Variants in PRKCE observed in about 807,000 individuals in gnomAD.
PRKCE encodes protein kinase C epsilon.
A neutral mutation model predicts 85.4 loss-of-function variants in PRKCE; 16 were observed. That is an observed-to-expected ratio of 0.19 (90% CI 0.13 to 0.28). PRKCE has a LOEUF of 0.28. Ranked by LOEUF, PRKCE falls within the 10% of genes least tolerant of loss-of-function variation. The pLI is 1.00. For synonymous variants in PRKCE, 388 were observed against 371.5 expected (o/e 1.04, Z -0.51); for missense variants, 573 against 975.2 (o/e 0.59, Z 5.49).
chr2:45,870,099 G>T (rs1693970620), intron 2 of PRKCE, among the ~76,000 whole-genome samples: 1 of 152,152 alleles, frequency 6.6e-6, no homozygotes, highest in Non-Finnish European at 1.5e-5. Context: ...CAGGTCATTT[G>T]GATTTGCCTT....
intron 1 of PRKCE, among the ~76,000 whole-genome samples, chr2:45,687,540 A>G (rs1677393217): frequency 6.6e-6 from 1 of 152,214 alleles, no homozygotes; most frequent in African/African-American, 2.4e-5. Context: ...ATACCCATGA[A>G]CTCAGTAATT....
chr2:45,918,492 TGGA>T lies in PRKCE; in HGVS notation c.413-57932_413-57930del, dbSNP rs543862337. Among the ~76,000 whole-genome samples the T allele has an allele frequency of 8.5e-3, 1,301 of 152,294 alleles. 8 individuals carry two copies. The highest frequency in any genetic ancestry group is 0.011 in the Non-Finnish European group (772 of 68,026). ...TTCAACTAGCATTTTGCAAGGACTGTGGAGGAGAACAGGGCCAGAACAGAAAAG... is the reference window on the plus strand; with the variant it reads ...TTCAACTAGCATTTTGCAAGGACTGTGGAGAACAGGGCCAGAACAGAAAAG... On this transcript the variant is annotated intron_variant, in intron 2 of 14. Transcript: ENST00000306156.
At chr2:45,721,227 T>C (rs1203042450) in intron 1 of PRKCE, among the ~76,000 whole-genome samples, 1 of 152,186 alleles carries the variant, frequency 6.6e-6, no homozygotes, top group Non-Finnish European at 1.5e-5. Context: ...TGAGGCTCTG[T>C]AACTTGCCCA....
chr2:46,052,899 G>A (rs190480089), intron 10 of PRKCE, among the ~76,000 whole-genome samples: 1 of 152,176 alleles, frequency 6.6e-6, no homozygotes, highest in African/African-American at 2.4e-5. Flanking sequence ...ACCATTCAAT[G>A]GGAAAAGGAT....
intron 2 of PRKCE, among the ~76,000 whole-genome samples, chr2:45,946,295 A>G (rs1273960917): frequency 1.3e-5 from 2 of 152,166 alleles, no homozygotes; most frequent in African/African-American, 2.4e-5. Flanking sequence ...CATTTGGCCT[A>G]TTTGCTTTTC....
At chr2:46,148,817 G>C (rs1266814647) in intron 12 of PRKCE, among the ~76,000 whole-genome samples, 1 of 152,206 alleles carries the variant, frequency 6.6e-6, no homozygotes, top group Non-Finnish European at 1.5e-5. Flanking sequence ...GAACAGGCAG[G>C]GGTCTTAAGT....
In PRKCE at chr2:46,138,722, G is replaced by A. The variant is rs925640016; in HGVS notation, c.1593-6371G>A. 6.6e-6 allele frequency among the ~76,000 whole-genome samples: 1 copy of A among 152,182 alleles called. No homozygotes were observed. The highest frequency in any genetic ancestry group is 1.5e-5 in the Non-Finnish European group (1 of 68,012). On this transcript the variant is annotated intron_variant, in intron 11 of 14. Transcript: ENST00000306156. This position sits in a 1 kb window ranked among gnomAD's most constrained non-coding sequence, Gnocchi z 4.2. Reference sequence around the variant, plus strand: ...CACAGTTGGTTGTCACAGCTGGAGAGGGGGCATACTAATAGCACCTAATGC... The same window carrying A: ...CACAGTTGGTTGTCACAGCTGGAGAAGGGGCATACTAATAGCACCTAATGC...
intron 1 of PRKCE, among the ~76,000 whole-genome samples, chr2:45,659,441 A>G (rs1675532743): frequency 6.6e-6 from 1 of 152,162 alleles, no homozygotes; most frequent in African/African-American, 2.4e-5. Context: ...CACCTGGATT[A>G]TTTCAACAGC....
chr2:45,754,324 A>G (rs931761828), intron 1 of PRKCE, among the ~76,000 whole-genome samples: 1 of 152,192 alleles, frequency 6.6e-6, no homozygotes, highest in African/African-American at 2.4e-5. Context: ...AGTTGCTTTC[A>G]TGTGTGAATA....
chr2:46,156,210 C>T (rs2104559481), intron 13 of PRKCE, among the ~76,000 whole-genome samples: 1 of 152,258 alleles, frequency 6.6e-6, no homozygotes, highest in East Asian at 1.9e-4. Context: ...CCTTCCCCGT[C>T]ATCTGCTGGG....
intron 1 of PRKCE, among the ~76,000 whole-genome samples, chr2:45,755,402 T>A (rs1683921387): frequency 6.6e-6 from 1 of 152,180 alleles, no homozygotes; most frequent in African/African-American, 2.4e-5. Flanking sequence ...TCTGAGGTGG[T>A]CCTGAGTGTC....
intron 4 of PRKCE, among the ~76,000 whole-genome samples, chr2:45,979,716 C>A (rs11677077): frequency 3.3e-5 from 5 of 152,112 alleles, no homozygotes; most frequent in African/African-American, 1.2e-4. Flanking sequence ...GGGTAACACG[C>A]ACACAGTTAC....
chr2:46,032,743 T>C (rs746181523), intron 10 of PRKCE, among the ~76,000 whole-genome samples: 2 of 152,224 alleles, frequency 1.3e-5, no homozygotes, highest in African/African-American at 2.4e-5. Flanking sequence ...GGATGAAGCA[T>C]GTTAATCCTC....
chr2:46,039,207 T>C (rs1347702618), intron 10 of PRKCE, among the ~76,000 whole-genome samples: 1 of 152,230 alleles, frequency 6.6e-6, no homozygotes, highest in Non-Finnish European at 1.5e-5. Context: ...TTAAGTCCTT[T>C]ACATGACACA....
intron 14 of PRKCE, among the ~76,000 whole-genome samples, chr2:46,173,738 TC>T (rs1469556666): frequency 6.6e-6 from 1 of 152,244 alleles, no homozygotes; most frequent in Non-Finnish European, 1.5e-5. Flanking sequence ...CCTGCTTGCC[TC>T]TGTGATGGCA....
chr2:46,073,578 G>A (rs1371580590), intron 10 of PRKCE: 4 of 152,052 alleles, frequency 2.6e-5, no homozygotes, highest in Non-Finnish European at 5.9e-5. Flanking sequence ...AGTGCACAGT[G>A]TCTGACACCA....
intron 1 of PRKCE, among the ~76,000 whole-genome samples, chr2:45,743,394 T>C (rs937914022): frequency 1.3e-5 from 2 of 152,170 alleles, no homozygotes; most frequent in African/African-American, 4.8e-5. Context: ...TTGTCAATTA[T>C]ACCTCAATAA....
At chr2:46,083,678 G>A (rs139293106) in intron 10 of PRKCE, among the ~76,000 whole-genome samples, 41 of 152,226 alleles carry the variant, frequency 2.7e-4, no homozygotes, top group East Asian at 2.1e-3. Context: ...AGCATTGCCC[G>A]GAAACTTGTT....
intron 10 of PRKCE, among the ~76,000 whole-genome samples, chr2:46,079,535 C>A (rs1177638343): frequency 6.6e-6 from 1 of 152,196 alleles, no homozygotes; most frequent in Non-Finnish European, 1.5e-5. Flanking sequence ...GAAGATGTTT[C>A]AGAGTGTGAA....
Sources: gnomAD v4.1 joint callset for allele counts (sites outside exome capture counted in the v4.1 genomes callset) on GRCh38, gnomAD v4.1.1 for gene constraint, Gnocchi (gnomAD v3.1) non-coding constraint, MANE v1.5 for transcripts, NCBI Gene and HGNC (gene_info 2026-07-23, HGNC 2026-07-21) for gene names.